The following FAM241A variants were observed in gnomAD, a reference collection of about 807,000 sequenced individuals.
FAM241A encodes uncharacterized protein FAM241A.
A neutral mutation model predicts 12.2 loss-of-function variants in FAM241A; 7 were observed. That is an observed-to-expected ratio of 0.58 (90% CI 0.33 to 1.08). The LOEUF is 1.08. Ranked by LOEUF, FAM241A falls within the 50% of genes least tolerant of loss-of-function variation. The pLI is 0.04. For missense variants in FAM241A, 161 were observed against 169.7 expected, an observed-to-expected ratio of 0.95 and a Z score of 0.29; for synonymous variants, 74 against 68.2, an observed-to-expected ratio of 1.08 and a Z score of -0.42.
rs1006735210 is a variant in FAM241A at position 112,186,600 on chromosome 4, A to T, written c.154-93A>T. 3.4e-6 allele frequency: 4 copies of T among 1,167,058 alleles called. No homozygotes were observed. In the Admixed American group the frequency reaches 7.6e-5, roughly 22 times the overall value. 72.3% of individuals were successfully genotyped at this position (1,167,058 alleles called of 1,614,324 possible). On this transcript the variant is annotated intron_variant, in intron 1 of 1. Transcript: ENST00000309733. ...TAGAATAATTATCAGAAGTATGCCC[A>T]GCACTTTGGAAGATGAAGAACTAAG...
Position 112,193,227 on chromosome 4 carries a change from A to G in FAM241A, c.*6289A>G, listed in dbSNP as rs1724201418. 6.6e-6 allele frequency: 1 copy of G among 151,424 alleles called. No homozygotes were observed. Among genetic ancestry groups the G allele is most frequent in the African/African-American group, 2.4e-5 (1 of 41,118 alleles). The allele number at this position is 151,424 out of a possible 1,614,324, so 9.4% of individuals were successfully genotyped here. A position where few individuals can be genotyped will look rare whatever the true frequency, so the allele number is the denominator to read the frequency against. ...TTTTCTTGTAAATTTGTTTGAGTTC[A>G]TTGTAGATTCTGGATATTAGCCCTT... On this transcript the variant is annotated 3_prime_UTR_variant, in exon 2 of 2. Transcript: ENST00000309733.
At chr4:112,151,752 A>G (rs984144762) in intron 1 of FAM241A, among the ~76,000 whole-genome samples, 5 of 152,228 alleles carry the variant, frequency 3.3e-5, no homozygotes, top group Admixed American at 3.3e-4. Flanking sequence ...GTAAAATATG[A>G]GAAGCCAATA....
At chr4:112,171,135 GA>G (rs888770595) in intron 1 of FAM241A, 77 of 422,352 alleles carry the variant, frequency 1.8e-4, no homozygotes, top group African/African-American at 6.5e-4. Context: ...TATTGTACAG[GA>G]AAAAAAATGC....
intron 1 of FAM241A, among the ~76,000 whole-genome samples, chr4:112,157,897 A>G (rs1183395066): frequency 6.6e-6 from 1 of 152,122 alleles, no homozygotes; most frequent in East Asian, 1.9e-4. Flanking sequence ...AACTTTGTCT[A>G]CTCAAGAGTT....
chr4:112,184,706 ACTGAAAATCATTTTGT>A (rs1724005799), intron 1 of FAM241A, among the ~76,000 whole-genome samples: 1 of 152,180 alleles, frequency 6.6e-6, no homozygotes, highest in Non-Finnish European at 1.5e-5. Flanking sequence ...TTAAAGTCAT[ACTGAAAATCATTTTGT>A]CTGATTTTCT....
Position 112,191,672 on chromosome 4 carries a change from C to T in FAM241A, c.*4734C>T, listed in dbSNP as rs1037797059. On this transcript the variant is annotated 3_prime_UTR_variant, in exon 2 of 2. Transcript: ENST00000309733. ...CAATATCTACACAGCCTTAAGACCT[C>T]AAGTGAGACATCATGTCCTCCAGGG... 5 of 151,982 alleles carry T rather than the reference C, an allele frequency of 3.3e-5. No individual in the cohort carries two copies. Among genetic ancestry groups the T allele is most frequent in the Admixed American group, 2.6e-4 (4 of 15,268 alleles). 9.4% of individuals were successfully genotyped at this position (151,982 alleles called of 1,614,324 possible).
chr4:112,149,268 A>C (rs981709041), intron 1 of FAM241A, among the ~76,000 whole-genome samples: 1 of 152,124 alleles, frequency 6.6e-6, no homozygotes, highest in Non-Finnish European at 1.5e-5. Context: ...AGCCTCCCGA[A>C]GTACTGGGAT....
chr4:112,181,504 A>G (rs1255527347), intron 1 of FAM241A, among the ~76,000 whole-genome samples: 1 of 152,242 alleles, frequency 6.6e-6, no homozygotes, highest in Non-Finnish European at 1.5e-5. Flanking sequence ...ATCAGTGGCC[A>G]GCAAAAATAA....
chr4:112,160,651 A>G (rs1723445543), intron 1 of FAM241A, among the ~76,000 whole-genome samples: 1 of 152,220 alleles, frequency 6.6e-6, no homozygotes, highest in Non-Finnish European at 1.5e-5. Flanking sequence ...CCTGACTTCA[A>G]GTTATACTAC....
intron 1 of FAM241A, among the ~76,000 whole-genome samples, chr4:112,153,167 G>T (rs1723278145): frequency 6.6e-6 from 1 of 152,122 alleles, no homozygotes; most frequent in Non-Finnish European, 1.5e-5. Context: ...AATTAAACCT[G>T]TCAACCTAAA....
At position 112,181,772 on chromosome 4, in the gene FAM241A, A is replaced by G. The variant is rs1233586485; in HGVS notation, c.154-4921A>G. ...TGAAAGACCTCTGTGGCTGAAATAA[A>G]GACAGGAAGGCTGATGACAGAATGA... On this transcript the variant is annotated intron_variant, in intron 1 of 1. Coordinates refer to ENST00000309733, the MANE Select transcript of FAM241A (RefSeq NM_152400.3). 2.0e-5 allele frequency among the ~76,000 whole-genome samples: 3 copies of G among 152,344 alleles called. No individual in the cohort carries two copies. In the East Asian group the frequency reaches 5.8e-4, roughly 29 times the overall value.
chr4:112,152,187 C>T (rs1723256785), intron 1 of FAM241A, among the ~76,000 whole-genome samples: 2 of 152,178 alleles, frequency 1.3e-5, no homozygotes, highest in South Asian at 4.2e-4. Context: ...ATCAGTGGTT[C>T]TCAACTGGGG....
chr4:112,148,072 A>G (rs1010537615), intron 1 of FAM241A, among the ~76,000 whole-genome samples: 3 of 152,114 alleles, frequency 2.0e-5, no homozygotes, highest in Admixed American at 1.3e-4. Flanking sequence ...AGCTCTTTCA[A>G]TGATTTTGTC....
chr4:112,178,145 T>C (rs1315729131), intron 1 of FAM241A, among the ~76,000 whole-genome samples: 2 of 152,180 alleles, frequency 1.3e-5, no homozygotes, highest in African/African-American at 2.4e-5. Flanking sequence ...AATAATTTTA[T>C]AGCAAAATAC....
intron 1 of FAM241A, 127 bp downstream of exon 1, chr4:112,145,860 C>T (rs2110416602): frequency 2.0e-6 from 1 of 503,244 alleles, no homozygotes; most frequent in Admixed American, 5.7e-5. Context: ...CACTGGCTCC[C>T]CGGCGCTCTG....
intron 1 of FAM241A, among the ~76,000 whole-genome samples, chr4:112,170,765 G>T (rs1161332294): frequency 1.3e-5 from 2 of 151,976 alleles, no homozygotes; most frequent in Non-Finnish European, 2.9e-5. Context: ...TGGGAAAAGA[G>T]AAACTGGATA....
intron 1 of FAM241A, among the ~76,000 whole-genome samples, chr4:112,167,328 G>A (rs1315153669): frequency 6.6e-6 from 1 of 152,090 alleles, no homozygotes; most frequent in Non-Finnish European, 1.5e-5. Context: ...ACTCAGAAGG[G>A]AATGGGCCAG....
chr4:112,193,269 T>G lies in FAM241A; in HGVS notation c.*6331T>G, dbSNP rs78171458. On this transcript the variant is annotated 3_prime_UTR_variant, in exon 2 of 2. Coordinates refer to ENST00000309733, the MANE Select transcript of FAM241A (RefSeq NM_152400.3). ...TTAGCCCTTTGTCAGATGAGTAGGTTGCGAAAATTTTCTGCCATTTTGTAA... is the reference window on the plus strand; with the variant it reads ...TTAGCCCTTTGTCAGATGAGTAGGTGGCGAAAATTTTCTGCCATTTTGTAA... 10,147 of 152,154 alleles carry G rather than the reference T, an allele frequency of 0.067. 407 individuals carry two copies. Among genetic ancestry groups the G allele is most frequent in the South Asian group, 0.13 (635 of 4,808 alleles). The allele number at this position is 152,154 out of a possible 1,614,324, so 9.4% of individuals were successfully genotyped here. A position where few individuals can be genotyped will look rare whatever the true frequency, so the allele number is the denominator to read the frequency against.
Position 112,195,133 on chromosome 4 carries a change from G to A in FAM241A, c.*8195G>A, listed in dbSNP as rs1350129790. On this transcript the variant is annotated 3_prime_UTR_variant, in exon 2 of 2. Transcript: ENST00000309733. ...TTGTGAGCAGAAATTCTCAAGTATC[G>A]AAGCGTGGTGTTTTAGGCTCCAGAA... 1 of 152,174 alleles carries A rather than the reference G, an allele frequency of 6.6e-6. No homozygotes were observed. Among genetic ancestry groups the A allele is most frequent in the African/African-American group, 2.4e-5 (1 of 41,424 alleles). The allele number at this position is 152,174 out of a possible 1,614,324, so 9.4% of individuals were successfully genotyped here.
Sources: allele counts gnomAD v4.1 joint callset (sites outside exome capture counted in the v4.1 genomes callset), GRCh38; gene constraint gnomAD v4.1.1; transcripts MANE v1.5; gene names NCBI Gene and HGNC (gene_info 2026-07-23, HGNC 2026-07-21).